Variants in SSRP1 observed in about 807,000 individuals in gnomAD.
The protein encoded by SSRP1 is structure specific recognition protein 1.
In SSRP1, 21 loss-of-function variants were observed where a neutral mutation model predicts 84.4. The ratio of observed to expected loss-of-function variants is 0.25; its 90% confidence interval spans 0.18 to 0.36. SSRP1 has a LOEUF of 0.36. SSRP1 is among the 10% of genes least tolerant of loss of function. The pLI is 1.00. For synonymous variants in SSRP1, 319 were observed against 318.3 expected (o/e 1.00, Z -0.02); for missense variants, 519 against 900.8 (o/e 0.58, Z 5.43).
Position 57,328,371 on chromosome 11 carries a change from C to T in SSRP1, c.1537G>A (p.Asp513Asn). The T allele has an allele frequency of 1.2e-6, 2 of 1,614,228 alleles. No homozygotes were observed. Among genetic ancestry groups the T allele is most frequent in the Non-Finnish European group, 1.7e-6 (2 of 1,180,034 alleles). ...TTGAGCTGTTTCCGCTTCTTCTCAT[C>T]CCGGTCACTGTCACCCTCATTACTG... ...SSSNEGDSDRDEKKRKQLKKA... is the reference protein window; with the variant it reads ...SSSNEGDSDRNEKKRKQLKKA... The change falls in exon 13 of 17, where the codon GAT becomes AAT. Residue 513 changes from aspartate to asparagine, a missense_variant. Around this residue, in one of 7 missense-constraint regions of SSRP1, gnomAD observed 197 missense variants for 265.0 expected, o/e 0.74. Coordinates refer to ENST00000278412, the MANE Select transcript of SSRP1 (RefSeq NM_003146.3).
At chr11:57,328,053 G>C in intron 13 of SSRP1, 171 bp from the exon 14 acceptor site, 1 of 955,074 alleles carries the variant, frequency 1.0e-6, no homozygotes, top group Non-Finnish European at 1.5e-6. Context: ...CTGCAATTCA[G>C]TGCCTAGCTT....
intron 8 of SSRP1, 39 bp from the exon 9 acceptor site, chr11:57,331,928 C>T: frequency 6.3e-7 from 1 of 1,576,258 alleles, no homozygotes; most frequent in African/African-American, 1.3e-5. Context: ...GTGCCAACCT[C>T]AGCAGAGGCA....
Position 57,331,808 on chromosome 11 carries a change from G to T in SSRP1, c.1083C>A (p.Tyr361Ter). The T allele has an allele frequency of 6.2e-7, 1 of 1,614,234 alleles. No homozygotes were observed. Among genetic ancestry groups the T allele is most frequent in the South Asian group, 1.1e-5 (1 of 91,088 alleles). The change falls in exon 9 of 17, where the codon TAC (tyrosine) becomes TAA (stop). Residue 361 changes from tyrosine (Y) to a stop codon, truncating the protein, a stop_gained. Transcript: ENST00000278412. LOFTEE classifies it high-confidence loss of function. The stretch of plus-strand genomic sequence containing the variant: ...GGATGTGCACAGGTGGCTTGTGGAC[G>T]TAGATGAAGCCCCGCTCCAGCGGGT... ...LLYPLERGFIYVHKPPVHIRF... is the reference protein window; with the variant it reads ...LLYPLERGFI
In SSRP1 at chr11:57,328,202, T is replaced by C. The variant is rs1306342605; in HGVS notation, c.1611+95A>G. ...AAAAACAGCCCCAAGGAAGAACAGG[T>C]CCTACTGGTGGTGGACAGGAGAAGG... On this transcript the variant is annotated intron_variant, in intron 13 of 16. Transcript: ENST00000278412. 52 of 1,531,368 alleles carry C rather than the reference T, an allele frequency of 3.4e-5. 1 individual carries two copies. In the East Asian group the frequency reaches 1.1e-3, roughly 33 times the overall value. The allele number at this position is 1,531,368 out of a possible 1,614,324, so 94.9% of individuals were successfully genotyped here.
chr11:57,332,829 C>T lies in SSRP1; in HGVS notation c.564G>A (p.Lys188=). Residue 188 remains lysine, a synonymous_variant, in exon 6 of 17, where the codon AAG becomes AAA. Transcript: ENST00000278412. The surrounding 1 kb of genome is among the most constrained non-coding windows in gnomAD (Gnocchi z 5.5). ...CTCCCGTGGCCTGGATTACATCCGC[C>T]TTTGACAACACATTCTGGGCAAAGG... ...VEAFAQNVLS[K]ADVIQATGDA... The T allele has an allele frequency of 6.2e-7, 1 of 1,613,292 alleles. No homozygotes were observed. The highest frequency in any genetic ancestry group is 8.5e-7 in the Non-Finnish European group (1 of 1,179,366).
chr11:57,328,307 TTCTTGCGGC>T lies in SSRP1; in HGVS notation c.1592_1600del (p.Ser531_Lys533del), dbSNP rs769279321. 6.2e-7 allele frequency: 1 copy of T among 1,614,112 alleles called. No homozygotes were observed. The highest frequency in any genetic ancestry group is 1.1e-5 in the South Asian group (1 of 91,084). On this transcript the variant is annotated inframe_deletion, in exon 13 of 17. Transcript: ENST00000278412. ...ATCTACAGTCTGCACCTCCACAGGC[TTCTTGCGGC>T]TCTTGCGGTCCTTGGCCATCTTGGC...
rs780531023 is a variant in SSRP1, at chr11:57,330,879, G to A, written c.1272C>T (p.Asn424=). The change falls in exon 10 of 17, where the codon AAC becomes AAT. Residue 424 remains asparagine (N), a synonymous_variant. Transcript: ENST00000278412. The surrounding 1 kb of genome is among the most constrained non-coding windows in gnomAD (Gnocchi z 4.0). ...CCTCTTTCAATCCTCGGTTTTTGAT[G>A]TTGAGCTTTTTCGCGTTGACAAAAT... ...LFDFVNAKKL[N]IKNRGLKEGM... 1 of 1,614,222 alleles carries A rather than the reference G, an allele frequency of 6.2e-7. No homozygotes were observed. Among genetic ancestry groups the A allele is most frequent in the Non-Finnish European group, 8.5e-7 (1 of 1,180,030 alleles).
At chr11:57,333,973 A>G (rs1856150125) in intron 3 of SSRP1, among the ~76,000 whole-genome samples, 1 of 152,200 alleles carries the variant, frequency 6.6e-6, no homozygotes, top group African/African-American at 2.4e-5. Flanking sequence ...TAATGTGGCA[A>G]AACGCCGTTT....
At chr11:57,334,995 C>T (rs1856180467) in intron 2 of SSRP1, 73 bp downstream of exon 2, 1 of 1,553,472 alleles carries the variant, frequency 6.4e-7, no homozygotes, top group Non-Finnish European at 8.9e-7. Flanking sequence ...CCAAAGCAAG[C>T]TCTCATTAAT....
chr11:57,334,410 TTAAAA>T (rs1449333170), intron 3 of SSRP1, 48 bp downstream of exon 3: 1 of 1,590,916 alleles, frequency 6.3e-7, no homozygotes, highest in Admixed American at 1.7e-5. Flanking sequence ...CTCTAGAAGA[TTAAAA>T]TAAGAAGATG....
intron 12 of SSRP1, 199 bp from the exon 13 acceptor site, chr11:57,328,625 C>T: frequency 6.5e-6 from 4 of 618,954 alleles, no homozygotes; most frequent in Middle Eastern, 8.9e-4. Context: ...TCTCCAGACC[C>T]AGCCACAGCA....
chr11:57,327,304 T>C (rs576867689), intron 15 of SSRP1, 122 bp downstream of exon 15: 70 of 1,019,590 alleles, frequency 6.9e-5, no homozygotes, highest in Non-Finnish European at 9.8e-5. Context: ...TGAGAAGCAC[T>C]ACCCTACTGC....
intron 3 of SSRP1, among the ~76,000 whole-genome samples, chr11:57,333,852 A>G (rs1856147611): frequency 1.3e-5 from 2 of 152,184 alleles, no homozygotes; most frequent in Admixed American, 1.3e-4. Context: ...CAAAACCCAC[A>G]CTTTAAGATA....
intron 4 of SSRP1, 107 bp from the exon 5 acceptor site, chr11:57,333,256 G>A: frequency 7.6e-7 from 1 of 1,321,408 alleles, no homozygotes; most frequent in Non-Finnish European, 1.1e-6. Context: ...CGGTTAGTCT[G>A]TTTAGACTAT....
rs1226884817 is a variant in SSRP1 at position 57,335,005 on chromosome 11, T to C, written c.54+63A>G. 7 of 1,589,290 alleles carry C rather than the reference T, an allele frequency of 4.4e-6. No individual in the cohort carries two copies. Among genetic ancestry groups the C allele is most frequent in the Admixed American group, 1.7e-5 (1 of 59,952 alleles). Reference sequence around the variant, plus strand: ...CGTTACCAAAGCAAGCTCTCATTAATGGACAAAAACTCTACCCTCCTTCCT... The same window carrying C: ...CGTTACCAAAGCAAGCTCTCATTAACGGACAAAAACTCTACCCTCCTTCCT... On this transcript the variant is annotated intron_variant, in intron 2 of 16. Transcript: ENST00000278412. This position sits in a 1 kb window ranked among gnomAD's most constrained non-coding sequence, Gnocchi z 4.6.
In SSRP1 at chr11:57,332,009, G is replaced by A. The variant is rs2134390404; in HGVS notation, c.1002-120C>T. The A allele has an allele frequency of 1.3e-6, 2 of 1,511,466 alleles. No homozygotes were observed. The highest frequency in any genetic ancestry group is 2.3e-5 in the East Asian group (1 of 43,486). 93.6% of individuals were successfully genotyped at this position (1,511,466 alleles called of 1,614,324 possible). A position where few individuals can be genotyped will look rare whatever the true frequency, so the allele number is the denominator to read the frequency against. ...TAAGTAAACCTCACTGAGCTGTTCT[G>A]ACAGAGGCGCTGGCACCTATTGTGA... On this transcript the variant is annotated intron_variant, in intron 8 of 16. Transcript: ENST00000278412. This position sits in a 1 kb window ranked among gnomAD's most constrained non-coding sequence, Gnocchi z 5.5.
intron 12 of SSRP1, 166 bp from the exon 13 acceptor site, chr11:57,328,592 C>A: frequency 1.0e-6 from 1 of 978,608 alleles, no homozygotes; most frequent in Non-Finnish European, 1.5e-6. Context: ...CTCCCATTCA[C>A]TGTGGTGGCT....
chr11:57,330,992 G>A lies in SSRP1; in HGVS notation c.1224-65C>T. On this transcript the variant is annotated intron_variant, in intron 9 of 16. Coordinates refer to ENST00000278412, the MANE Select transcript of SSRP1 (RefSeq NM_003146.3). This position sits in a 1 kb window ranked among gnomAD's most constrained non-coding sequence, Gnocchi z 4.0. The stretch of plus-strand genomic sequence containing the variant: ...CCAACACAGGGGCACACTAAACAAT[G>A]TTCTGATTCCATGAGCTGGGGTAGA... 1.9e-6 allele frequency: 3 copies of A among 1,562,120 alleles called. No individual in the cohort carries two copies. Among genetic ancestry groups the A allele is most frequent in the South Asian group, 2.2e-5 (2 of 89,922 alleles).
At chr11:57,331,577 G>T (rs61888887) in intron 9 of SSRP1, 91 bp downstream of exon 9, 92,437 of 1,001,884 alleles carry the variant, frequency 0.092, 4,814 homozygotes, top group Non-Finnish European at 0.11. Context: ...TCTGCTCTAG[G>T]GTTGGAGAGT....
Sources: allele counts gnomAD v4.1 joint callset (sites outside exome capture counted in the v4.1 genomes callset), GRCh38; gene constraint gnomAD v4.1.1; regional missense constraint gnomAD v4.1.1; non-coding constraint Gnocchi (gnomAD v3.1); transcripts MANE v1.5; gene names NCBI Gene and HGNC (gene_info 2026-07-23, HGNC 2026-07-21).